Variants in ROBO1 observed in about 807,000 individuals in gnomAD.
ROBO1 encodes the protein roundabout homolog 1.
ROBO1 carries 149 observed loss-of-function variants against 195.9 expected under a neutral mutation model. The observed-to-expected ratio is 0.76, with a 90% confidence interval of 0.67 to 0.87. The LOEUF is 0.87. ROBO1 is among the 40% of genes least tolerant of loss of function. The pLI is 0.00. For synonymous variants in ROBO1, 816 were observed against 733.2 expected, an observed-to-expected ratio of 1.11 and a Z score of -1.82; for missense variants, 1,933 against 2,068.3, an observed-to-expected ratio of 0.93 and a Z score of 1.27.
At chr3:78,816,452 G>A (rs568754353) in intron 4 of ROBO1, among the ~76,000 whole-genome samples, 1 of 152,234 alleles carries the variant, frequency 6.6e-6, no homozygotes, top group South Asian at 2.1e-4. Flanking sequence ...CTTGGATCAA[G>A]GAGTAATTTT....
rs558928092 is a variant in ROBO1 at position 78,663,594 on chromosome 3, G to A, written c.1967-1480C>T. 3.9e-5 allele frequency among the ~76,000 whole-genome samples: 6 copies of A among 152,224 alleles called. 1 individual carries two copies. The highest frequency in any genetic ancestry group is 2.6e-4 in the Admixed American group (4 of 15,292). On this transcript the variant is annotated intron_variant, in intron 14 of 30. Transcript: ENST00000464233. ...CCCACCTCGGCAACTTAAAAACCAC[G>A]TAACATTGGAACAATTTCTTAATCT...
chr3:78,648,937 A>G (rs1487872398), intron 19 of ROBO1, among the ~76,000 whole-genome samples: 1 of 152,052 alleles, frequency 6.6e-6, no homozygotes, highest in Non-Finnish European at 1.5e-5. Flanking sequence ...TTTATCTCTG[A>G]GCATACTAGA....
At chr3:78,876,835 A>G (rs572086265) in intron 4 of ROBO1, among the ~76,000 whole-genome samples, 1 of 152,304 alleles carries the variant, frequency 6.6e-6, no homozygotes, top group African/African-American at 2.4e-5. Context: ...AGATACGTGA[A>G]GACTCTAAAC....
At chr3:79,291,291 C>T (rs1489898389) in intron 2 of ROBO1, among the ~76,000 whole-genome samples, 1 of 152,118 alleles carries the variant, frequency 6.6e-6, no homozygotes, top group Non-Finnish European at 1.5e-5. Context: ...TAACTGGCAC[C>T]TAATCATAGT....
At chr3:78,892,891 G>A (rs909470379) in intron 4 of ROBO1, among the ~76,000 whole-genome samples, 14 of 151,808 alleles carry the variant, frequency 9.2e-5, no homozygotes, top group African/African-American at 2.9e-4. Context: ...GATAAATATC[G>A]CCCATTTCCT....
At chr3:78,893,675 T>C (rs953881801) in intron 4 of ROBO1, among the ~76,000 whole-genome samples, 2 of 152,206 alleles carry the variant, frequency 1.3e-5, no homozygotes, top group African/African-American at 2.4e-5. Context: ...GTTAAAACAA[T>C]GCACTTGTAT....
intron 25 of ROBO1, among the ~76,000 whole-genome samples, chr3:78,629,759 G>A (rs929172749): frequency 5.3e-5 from 8 of 151,984 alleles, no homozygotes; most frequent in African/African-American, 1.9e-4. Context: ...TAATTTATTT[G>A]TAAACCCCCA....
chr3:79,391,122 C>CA (rs952765742), intron 2 of ROBO1, among the ~76,000 whole-genome samples: 5,764 of 100,696 alleles, frequency 0.057, 145 homozygotes, highest in African/African-American at 0.081. Flanking sequence ...CTGTCTCTAC[C>CA]AAAAAAAAAA....
At chr3:78,785,810 C>T (rs1158590638) in intron 4 of ROBO1, among the ~76,000 whole-genome samples, 1 of 152,016 alleles carries the variant, frequency 6.6e-6, no homozygotes, top group Non-Finnish European at 1.5e-5. Flanking sequence ...TTTTGTTTTG[C>T]AAGTTATTAT....
At chr3:79,135,764 A>G (rs1475573950) in intron 2 of ROBO1, among the ~76,000 whole-genome samples, 1 of 151,918 alleles carries the variant, frequency 6.6e-6, no homozygotes, top group Non-Finnish European at 1.5e-5. Context: ...CAGCCTCCTG[A>G]GTAGCTGGGA....
intron 3 of ROBO1, among the ~76,000 whole-genome samples, chr3:78,957,394 T>G (rs1270433624): frequency 6.6e-6 from 1 of 151,890 alleles, no homozygotes; most frequent in Non-Finnish European, 1.5e-5. Flanking sequence ...AGTTTCAAAG[T>G]TAATACAAAT....
intron 2 of ROBO1, among the ~76,000 whole-genome samples, chr3:79,368,609 C>A (rs564027808): frequency 7.2e-5 from 11 of 152,228 alleles, no homozygotes; most frequent in African/African-American, 2.6e-4. Flanking sequence ...CTTTCCCTAA[C>A]CACAGGAACT....
At chr3:78,935,144 A>C (rs2039736312) in intron 4 of ROBO1, among the ~76,000 whole-genome samples, 1 of 152,098 alleles carries the variant, frequency 6.6e-6, no homozygotes, top group East Asian at 1.9e-4. Flanking sequence ...AGCAATTACT[A>C]TTAAAAAGCA....
intron 4 of ROBO1, among the ~76,000 whole-genome samples, chr3:78,893,410 C>G (rs1311146012): frequency 1.3e-5 from 2 of 152,162 alleles, no homozygotes; most frequent in African/African-American, 4.8e-5. Flanking sequence ...AAACCCAGAG[C>G]AGCCCTCAAC....
intron 26 of ROBO1, among the ~76,000 whole-genome samples, chr3:78,620,948 A>G (rs1030229980): frequency 1.3e-4 from 19 of 151,044 alleles, no homozygotes; most frequent in African/African-American, 4.4e-4. Flanking sequence ...ATACAGATGT[A>G]TTAAAAAACT....
At chr3:78,979,722 G>A (rs910058454) in intron 3 of ROBO1, among the ~76,000 whole-genome samples, 1 of 151,764 alleles carries the variant, frequency 6.6e-6, no homozygotes, top group South Asian at 2.1e-4. Context: ...CTGTTTTAAG[G>A]GGGTCTATGA....
chr3:78,717,380 A>G lies in ROBO1; in HGVS notation c.812T>C (p.Leu271Ser). Residue 271 changes from leucine to serine, a missense_variant, in exon 7 of 31, where the codon TTG (leucine) becomes TCG (serine). This residue lies in a region of ROBO1 where 1,737 missense variants were observed against 1,882.5 expected (regional missense o/e 0.92). Transcript: ENST00000464233. ...TGCACTGTCATCCACAGTTACTGCC[A>G]AGTTACTGGGTCTCTTCACAAATGA... is the stretch of plus-strand genomic sequence containing the variant. ...RPSFVKRPSN[L>S]AVTVDDSAEF... 6.2e-7 allele frequency: 1 copy of G among 1,613,190 alleles called. No individual in the cohort carries two copies. The highest frequency in any genetic ancestry group is 8.5e-7 in the Non-Finnish European group (1 of 1,179,212).
intron 2 of ROBO1, among the ~76,000 whole-genome samples, chr3:79,318,509 C>A (rs925049256): frequency 6.6e-6 from 1 of 152,168 alleles, no homozygotes; most frequent in Admixed American, 6.5e-5. Context: ...AGTTTAACAT[C>A]CTGGGCCCTG....
At chr3:79,413,709 A>G (rs17397244) in intron 2 of ROBO1, among the ~76,000 whole-genome samples, 56,184 of 152,066 alleles carry the variant, frequency 0.37, 10,973 homozygotes, top group Admixed American at 0.5. Flanking sequence ...GTATTTTGCC[A>G]AATTTTTAAT....
Sources: gnomAD v4.1 joint callset for allele counts (sites outside exome capture counted in the v4.1 genomes callset) on GRCh38, gnomAD v4.1.1 for gene constraint, gnomAD v4.1.1 regional missense constraint, MANE v1.5 for transcripts, NCBI Gene and HGNC (gene_info 2026-07-23, HGNC 2026-07-21) for gene names.